The following MAPKAP1 variants were observed in gnomAD, a reference collection of about 807,000 sequenced individuals.
MAPKAP1 encodes the protein MAPK associated protein 1.
A neutral mutation model predicts 65.7 loss-of-function variants in MAPKAP1; 20 were observed. The ratio of observed to expected loss-of-function variants is 0.30; its 90% CI spans 0.21 to 0.44. The LOEUF is 0.44. Ranked by LOEUF, MAPKAP1 falls within the 20% of genes least tolerant of loss-of-function variation. The pLI is 1.00. For missense variants in MAPKAP1, 423 were observed against 648.0 expected (o/e 0.65, Z 3.77); for synonymous variants, 222 against 244.3 (o/e 0.91, Z 0.85).
chr9:125,692,279 G>T (rs1462993593), intron 1 of MAPKAP1, among the ~76,000 whole-genome samples: 2 of 152,142 alleles, frequency 1.3e-5, no homozygotes, highest in Non-Finnish European at 2.9e-5. Context: ...ATCAACTGAT[G>T]AACAGATAAA....
At chr9:125,578,815 T>C (rs1342773688) in intron 5 of MAPKAP1, among the ~76,000 whole-genome samples, 1 of 152,204 alleles carries the variant, frequency 6.6e-6, no homozygotes. Flanking sequence ...TAATCATCCA[T>C]AGACCAAATA....
At chr9:125,507,152 T>C (rs16928223) in intron 7 of MAPKAP1, among the ~76,000 whole-genome samples, 7,115 of 152,276 alleles carry the variant, frequency 0.047, 279 homozygotes, top group East Asian at 0.14. Context: ...CTGCATCACA[T>C]AGAGGGTTCT....
chr9:125,543,461 A>G (rs1184528814), intron 6 of MAPKAP1, among the ~76,000 whole-genome samples: 2 of 149,864 alleles, frequency 1.3e-5, no homozygotes, highest in Non-Finnish European at 3.0e-5. Flanking sequence ...TTTTTTTAGT[A>G]GAGACAGGGT....
At chr9:125,547,317 G>C (rs1477695173) in intron 6 of MAPKAP1, among the ~76,000 whole-genome samples, 1 of 152,146 alleles carries the variant, frequency 6.6e-6, no homozygotes, top group Non-Finnish European at 1.5e-5. Flanking sequence ...GCTGGAACCA[G>C]AACTCAAGTT....
intron 7 of MAPKAP1, among the ~76,000 whole-genome samples, chr9:125,524,777 C>T (rs1829715913): frequency 6.6e-6 from 1 of 152,244 alleles, no homozygotes; most frequent in Non-Finnish European, 1.5e-5. Flanking sequence ...GACTCCCAGG[C>T]CAATCAGCAT....
At position 125,603,075 on chromosome 9, in the gene MAPKAP1, TTTC is replaced by T. The variant is rs869081865; in HGVS notation, c.499-17351_499-17349del. Among the ~76,000 whole-genome samples the T allele has an allele frequency of 1.6e-3, 244 of 149,470 alleles. 1 individual carries two copies. The highest frequency in any genetic ancestry group is 0.011 in the South Asian group (51 of 4,672). ...ACTTGCGTCTTTCTTTCTTTCTTTC[TTTC>T]TTTTTTTTTTATAGAGACAGAGTCT... is the stretch of plus-strand genomic sequence containing the variant. On this transcript the variant is annotated intron_variant, in intron 4 of 11. Coordinates refer to ENST00000265960, the MANE Select transcript of MAPKAP1 (RefSeq NM_001006617.3).
chr9:125,449,804 G>A (rs1852872914), intron 10 of MAPKAP1, among the ~76,000 whole-genome samples: 1 of 150,984 alleles, frequency 6.6e-6, no homozygotes, highest in Non-Finnish European at 1.5e-5. Flanking sequence ...AGGCTGCTGT[G>A]GTCATGAGAT....
intron 10 of MAPKAP1, among the ~76,000 whole-genome samples, chr9:125,453,828 T>C (rs764637552): frequency 1.3e-5 from 2 of 152,350 alleles, no homozygotes; most frequent in East Asian, 1.9e-4. Flanking sequence ...ACTACTGATA[T>C]TGGAAAAGTC....
intron 4 of MAPKAP1, among the ~76,000 whole-genome samples, chr9:125,638,921 A>G (rs1176456544): frequency 6.6e-6 from 1 of 152,234 alleles, no homozygotes; most frequent in Non-Finnish European, 1.5e-5. Flanking sequence ...GCTGAGAATT[A>G]ACCTCACAAT....
chr9:125,660,417 T>C (rs1299836361), intron 3 of MAPKAP1, among the ~76,000 whole-genome samples: 5 of 152,278 alleles, frequency 3.3e-5, no homozygotes, highest in Non-Finnish European at 2.9e-5. Context: ...TTTCACCGAA[T>C]GTAAAGCATA....
intron 1 of MAPKAP1, among the ~76,000 whole-genome samples, chr9:125,683,545 A>G (rs991116672): frequency 8.5e-5 from 13 of 152,286 alleles, no homozygotes; most frequent in African/African-American, 2.6e-4. Flanking sequence ...CACTAGCAAG[A>G]GAAGGAGGAT....
chr9:125,468,124 G>C lies in MAPKAP1; in HGVS notation c.1208-15C>G, dbSNP rs768646598. 25 of 1,612,654 alleles carry C rather than the reference G, an allele frequency of 1.6e-5. No individual in the cohort carries two copies. The highest frequency in any genetic ancestry group is 2.1e-5 in the Non-Finnish European group (25 of 1,179,294). On this transcript the variant is annotated splice_polypyrimidine_tract_variant and intron_variant, in intron 9 of 11. Coordinates refer to ENST00000265960, the MANE Select transcript of MAPKAP1 (RefSeq NM_001006617.3). ...TCCAGAGATACCTGTAAGCCAAGGT[G>C]AGGACACAAAAGAAAACACAAGAAG...
intron 4 of MAPKAP1, among the ~76,000 whole-genome samples, chr9:125,644,374 CAG>C (rs1833666955): frequency 1.3e-5 from 2 of 151,710 alleles, no homozygotes; most frequent in African/African-American, 2.4e-5. Flanking sequence ...AAACATGAAA[CAG>C]AAAATTTCAC....
intron 9 of MAPKAP1, among the ~76,000 whole-genome samples, chr9:125,480,948 G>A (rs1366973784): frequency 3.5e-5 from 5 of 144,378 alleles, no homozygotes; most frequent in Non-Finnish European, 3.0e-5. Context: ...CTCCAGCCTG[G>A]GTGACAGAGC....
rs1346601836 is a variant in MAPKAP1 at position 125,438,866 on chromosome 9, G to C, written c.*21C>G. 2.5e-6 allele frequency: 4 copies of C among 1,613,988 alleles called. No homozygotes were observed. Among genetic ancestry groups the C allele is most frequent in the Non-Finnish European group, 2.5e-6 (3 of 1,179,986 alleles). ...CAGGCAGGCTCTGAGCTACGGAACA[G>C]ATTGAGGCTGGAGGCCAGTGTCACT... On this transcript the variant is annotated 3_prime_UTR_variant, in exon 12 of 12. Transcript: ENST00000265960.
intron 4 of MAPKAP1, among the ~76,000 whole-genome samples, chr9:125,612,137 G>A (rs1832618334): frequency 6.6e-6 from 1 of 152,022 alleles, no homozygotes. Context: ...GTTATTTTTT[G>A]ATACATGAGT....
intron 10 of MAPKAP1, among the ~76,000 whole-genome samples, chr9:125,463,448 A>C (rs1443241638): frequency 6.6e-6 from 1 of 152,252 alleles, no homozygotes; most frequent in African/African-American, 2.4e-5. Flanking sequence ...ACACTACTTT[A>C]CAGATCTTGT....
At chr9:125,675,356 A>C (rs1244422596) in intron 1 of MAPKAP1, among the ~76,000 whole-genome samples, 1 of 152,222 alleles carries the variant, frequency 6.6e-6, no homozygotes, top group East Asian at 1.9e-4. Flanking sequence ...CAAAGTGACA[A>C]AAGTATACTG....
intron 10 of MAPKAP1, among the ~76,000 whole-genome samples, chr9:125,466,758 C>T (rs1853695847): frequency 6.6e-6 from 1 of 152,130 alleles, no homozygotes; most frequent in Non-Finnish European, 1.5e-5. Flanking sequence ...TGGCCTTCCT[C>T]CTTCCCCTGG....
Sources: gnomAD v4.1 joint callset for allele counts (sites outside exome capture counted in the v4.1 genomes callset) on GRCh38, gnomAD v4.1.1 for gene constraint, MANE v1.5 for transcripts, NCBI Gene and HGNC (gene_info 2026-07-23, HGNC 2026-07-21) for gene names.